Variants in ATP6AP2 observed in about 807,000 individuals in gnomAD.
The protein encoded by ATP6AP2 is renin receptor.
A neutral mutation model predicts 23.4 loss-of-function variants in ATP6AP2; 1 was observed. That is an observed-to-expected ratio of 0.04 (90% CI 0.02 to 0.20). The LOEUF (loss-of-function observed/expected upper bound fraction) is 0.20. Ranked by LOEUF, ATP6AP2 falls within the 10% of genes least tolerant of loss-of-function variation. The pLI is 1.00. For synonymous variants in ATP6AP2, 90 were observed against 97.1 expected (o/e 0.93, Z 0.43); for missense variants, 174 against 271.3 (o/e 0.64, Z 2.52).
At chrX:40,583,331 A>G (rs1367836475) in intron 1 of ATP6AP2, among the ~76,000 whole-genome samples, 8 of 111,773 alleles carry the variant, frequency 7.2e-5, no homozygotes, top group Admixed American at 9.5e-5. Flanking sequence ...CACTTAGCCC[A>G]GACTGGGGAG....
rs116247900 is a variant in ATP6AP2 at position 40,605,411 on chromosome X, G to A, written c.859-150G>A. The A allele has an allele frequency of 5.3e-3, 2,664 of 505,767 alleles. 55 individuals are homozygous for A. In the African/African-American group the frequency reaches 0.054, roughly 10 times the overall value. The allele number at this position is 505,767 out of a possible 1,213,427, so 41.7% of individuals were successfully genotyped here. ...GTGCAAGTGTCGTCTCCACAAAGGCGCTCCTTCTTGCTTCCTCCTAGTATA... is the reference window on the plus strand; with the variant it reads ...GTGCAAGTGTCGTCTCCACAAAGGCACTCCTTCTTGCTTCCTCCTAGTATA... On this transcript the variant is annotated intron_variant, in intron 8 of 8. Transcript: ENST00000636580.
intron 6 of ATP6AP2, 62 bp from the exon 7 acceptor site, chrX:40,599,530 G>A: frequency 8.5e-7 from 1 of 1,181,527 alleles, no homozygotes. Context: ...TTAACTGGCT[G>A]TGTTTGACGT....
chrX:40,583,432 A>G (rs1055874707), intron 1 of ATP6AP2, among the ~76,000 whole-genome samples: 2 of 111,734 alleles, frequency 1.8e-5, no homozygotes, highest in Admixed American at 9.5e-5. Context: ...ACAGAACAGC[A>G]TGTGTAAAAG....
intron 5 of ATP6AP2, 164 bp from the exon 6 acceptor site, chrX:40,598,517 A>T: frequency 1.9e-6 from 1 of 526,824 alleles, no homozygotes. Flanking sequence ...ATAATGTTTT[A>T]TATGCATTTT....
chrX:40,591,649 G>A (rs1926632343), intron 3 of ATP6AP2: 1 of 283,793 alleles, frequency 3.5e-6, no homozygotes, highest in Non-Finnish European at 6.3e-6. Context: ...GCCACTAAAG[G>A]AGAAACCAGT....
chrX:40,586,378 AG>A (rs1318525879), intron 1 of ATP6AP2, among the ~76,000 whole-genome samples: 3 of 111,812 alleles, frequency 2.7e-5, no homozygotes, highest in African/African-American at 9.8e-5. Context: ...GGATTGTCTT[AG>A]TCTGGAGGAG....
intron 8 of ATP6AP2, chrX:40,605,083 G>T (rs1238974968): frequency 2.5e-5 from 3 of 120,204 alleles, no homozygotes; most frequent in African/African-American, 9.9e-5. Flanking sequence ...ACAGGCACCT[G>T]CCACGCCTGG....
intron 8 of ATP6AP2, among the ~76,000 whole-genome samples, chrX:40,604,931 A>ATTTTT (rs142088347): frequency 2.6e-5 from 2 of 78,197 alleles, no homozygotes; most frequent in Non-Finnish European, 4.7e-5. Context: ...TCTGTTGATG[A>ATTTTT]TTTTTTTTTT....
In ATP6AP2 at chrX:40,586,611, A is replaced by G. The variant is rs142036012; in HGVS notation, c.38-2375A>G. ...AGTTCAGTACAAGGAAAAACTTTTC[A>G]AAGGACTAGAATGTTAGGAAAATGG... On this transcript the variant is annotated intron_variant, in intron 1 of 8. Coordinates refer to ENST00000636580, the MANE Select transcript of ATP6AP2 (RefSeq NM_005765.3). 1.2e-3 allele frequency among the ~76,000 whole-genome samples: 131 copies of G among 112,309 alleles called. 1 individual carries two copies. Among genetic ancestry groups the G allele is most frequent in the African/African-American group, 4.1e-3 (127 of 30,950 alleles).
rs34217273 is a variant in ATP6AP2 at position 40,591,350 on chromosome X, G to T, written c.285G>T (p.Ser95=). Reference sequence around the variant, plus strand: ...CTCTACCCCCAGGCAGTGTCATTTCGTACCCTTTGGAGAATGTGAGTATTT... The same window carrying T: ...CTCTACCCCCAGGCAGTGTCATTTCTTACCCTTTGGAGAATGTGAGTATTT... ...KLALPPGSVI[S]YPLENAVPFS... is the part of the protein sequence containing the mutation. Residue 95 remains serine, a synonymous_variant, in exon 3 of 9, where the codon TCG becomes TCT. Coordinates refer to ENST00000636580, the MANE Select transcript of ATP6AP2 (RefSeq NM_005765.3). 4 of 1,209,265 alleles carry T rather than the reference G, an allele frequency of 3.3e-6. No individual in the cohort carries two copies. The highest frequency in any genetic ancestry group is 3.4e-6 in the Non-Finnish European group (3 of 894,726).
In ATP6AP2 at chrX:40,598,994, G is replaced by A. The variant is rs57755052; in HGVS notation, c.588+260G>A. 4,293 of 374,789 alleles carry A rather than the reference G, an allele frequency of 0.011. 146 individuals are homozygous for A. Among genetic ancestry groups the A allele is most frequent in the African/African-American group, 0.098 (3,821 of 39,118 alleles). 30.9% of individuals were successfully genotyped at this position (374,789 alleles called of 1,213,427 possible). A position where few individuals can be genotyped will look rare whatever the true frequency, so the allele number is the denominator to read the frequency against. On this transcript the variant is annotated intron_variant, in intron 6 of 8. Coordinates refer to ENST00000636580, the MANE Select transcript of ATP6AP2 (RefSeq NM_005765.3). ...TGGGCGTAAGAACACCCTGGCCATA[G>A]TCCTAACTTGGCTGTTGATTTCTTG... is the stretch of plus-strand genomic sequence containing the variant.
At chrX:40,598,828 T>A (rs1294697573) in intron 6 of ATP6AP2, 94 bp downstream of exon 6, 1 of 871,038 alleles carries the variant, frequency 1.1e-6, no homozygotes, top group East Asian at 3.1e-5. Flanking sequence ...TTTGATTAAG[T>A]ATGCCCTAGA....
chrX:40,589,209 G>A, intron 2 of ATP6AP2, 93 bp downstream of exon 2: 3 of 986,458 alleles, frequency 3.0e-6, no homozygotes, highest in South Asian at 2.0e-5. Flanking sequence ...AACGAACGTA[G>A]GTACGTTTGG....
At chrX:40,595,876 A>C (rs1430771781) in intron 3 of ATP6AP2, 1 of 111,916 alleles carries the variant, frequency 8.9e-6, no homozygotes, top group East Asian at 2.8e-4. Flanking sequence ...CATAAAATTG[A>C]TCACTTAATA....
chrX:40,589,960 A>T (rs1204351796), intron 2 of ATP6AP2: 1 of 112,443 alleles, frequency 8.9e-6, no homozygotes, highest in East Asian at 2.8e-4. Context: ...GCCAGGCCTA[A>T]GGGCAGAGCC....
intron 1 of ATP6AP2, among the ~76,000 whole-genome samples, chrX:40,583,404 G>A: frequency 8.9e-6 from 1 of 111,778 alleles, no homozygotes; most frequent in East Asian, 2.8e-4. Flanking sequence ...GTTGGGGTGG[G>A]AAGAAAAGGT....
chrX:40,597,818 T>TGCAG, intron 5 of ATP6AP2, 154 bp downstream of exon 5: 1 of 571,869 alleles, frequency 1.7e-6, no homozygotes, highest in Non-Finnish European at 2.8e-6. Flanking sequence ...GATCACAGGC[T>TGCAG]TGAGCCACTG....
At chrX:40,598,604 C>T in intron 5 of ATP6AP2, 77 bp from the exon 6 acceptor site, 1 of 930,062 alleles carries the variant, frequency 1.1e-6, no homozygotes, top group Non-Finnish European at 1.6e-6. Flanking sequence ...ATATCCTGTG[C>T]CTTGCTTGGT....
At chrX:40,599,370 G>A (rs1926846822) in intron 6 of ATP6AP2, 1 of 418,459 alleles carries the variant, frequency 2.4e-6, no homozygotes, top group African/African-American at 2.5e-5. Flanking sequence ...TATCCAAGGA[G>A]TCTTGTACTG....
Sources: allele counts gnomAD v4.1 joint callset (sites outside exome capture counted in the v4.1 genomes callset), GRCh38; gene constraint gnomAD v4.1.1; transcripts MANE v1.5; gene names NCBI Gene and HGNC (gene_info 2026-07-23, HGNC 2026-07-21).